FAM53A: variants seen among roughly 807,000 people sequenced by gnomAD.
FAM53A encodes the protein protein FAM53A.
Under a neutral mutation model 26.6 loss-of-function variants are expected in FAM53A, and 28 were observed. The observed-to-expected ratio is 1.05, with a 90% CI of 0.78 to 1.45. The LOEUF (loss-of-function observed/expected upper bound fraction) is 1.45. Ranked by LOEUF, FAM53A falls within the 40% of genes most tolerant of loss-of-function variation. The pLI, the probability that FAM53A is intolerant of heterozygous loss-of-function variation, is 0.00. For missense variants in FAM53A, 650 were observed against 575.8 expected (o/e 1.13, Z -1.32); for synonymous variants, 290 against 253.1 (o/e 1.15, Z -1.38).
At chr4:1,599,839 T>G in the FAM53A span, among the ~76,000 whole-genome samples, 1 of 152,158 alleles carries the variant, frequency 6.6e-6, no homozygotes. This position sits in a 1 kb window ranked among gnomAD's most constrained non-coding sequence, Gnocchi z 6.1. Context: ...GCGCTGAGTG[T>G]TGGCTCCCAG....
downstream of FAM53A, among the ~76,000 whole-genome samples, chr4:1,639,412 TGC>T (rs1157454297): frequency 1.3e-5 from 2 of 152,206 alleles, no homozygotes; most frequent in African/African-American, 4.8e-5. Flanking sequence ...CAAAGTCCAA[TGC>T]CAGGGCCCTC....
rs1445686561 is a variant in FAM53A, at chr4:1,657,465, G to A, written c.79C>T (p.Gln27Ter). Residue 27 changes from glutamine (Q) to a stop codon, truncating the protein, a stop_gained, in exon 3 of 5, where the codon CAG (glutamine) becomes TAG (stop). Coordinates refer to ENST00000308132, the MANE Select transcript of FAM53A (RefSeq NM_001174070.3). LOFTEE classifies it high-confidence loss of function. The part of the protein sequence containing the change: ...LTCKAEAGPL[Q>*]YSAETLNKSG... The stretch of plus-strand genomic sequence containing the variant: ...TTGTTCAGGGTTTCCGCAGAATACT[G>A]CAACTGACAGGAAAGAGAAGTTTCA... 1.2e-6 allele frequency: 2 copies of A among 1,613,680 alleles called. No homozygotes were observed. Among genetic ancestry groups the A allele is most frequent in the Admixed American group, 3.3e-5 (2 of 59,922 alleles).
chr4:1,644,863 TC>T (rs1712094365), intron 4 of FAM53A: 1 of 154,268 alleles, frequency 6.5e-6, no homozygotes, highest in African/African-American at 2.4e-5. Flanking sequence ...CAGGGAAGCC[TC>T]CTACGAGCTG....
chr4:1,577,561 G>A, the FAM53A span, among the ~76,000 whole-genome samples: 1 of 152,200 alleles, frequency 6.6e-6, no homozygotes, highest in African/African-American at 2.4e-5. Context: ...TAGGCCATCC[G>A]GCGTTTGTGT....
chr4:1,595,649 G>A, the FAM53A span, among the ~76,000 whole-genome samples: 1 of 152,222 alleles, frequency 6.6e-6, no homozygotes, highest in South Asian at 2.1e-4. Context: ...TGCAAAGCCT[G>A]GCAGGACACT....
chr4:1,631,286 C>G lies in FAM53A; in HGVS notation c.432-13175G>C, dbSNP rs562677941. ...ATAGCAGCGGTGGACAAGCCAGAGG[C>G]AGCCCCAGGCCTGCTGTGGGCAGCA... On this transcript the variant is annotated intron_variant, in intron 1 of 1. Transcript: ENST00000489029. Among the ~76,000 whole-genome samples the G allele has an allele frequency of 3.8e-3, 584 of 152,320 alleles. 6 individuals are homozygous for G. Among genetic ancestry groups the G allele is most frequent in the African/African-American group, 0.013 (558 of 41,578 alleles).
the FAM53A span, among the ~76,000 whole-genome samples, chr4:1,593,613 G>A: frequency 6.6e-6 from 1 of 152,186 alleles, no homozygotes; most frequent in African/African-American, 2.4e-5. Context: ...GTCTGGACCA[G>A]CCAGGCCGGA....
At chr4:1,627,068 G>A (rs1462624827) in intron 1 of FAM53A, among the ~76,000 whole-genome samples, 4 of 152,184 alleles carry the variant, frequency 2.6e-5, no homozygotes, top group African/African-American at 9.7e-5. Flanking sequence ...GCGTGGCCAT[G>A]TGGACGCAGG....
At position 1,684,299 on chromosome 4, in the gene FAM53A, C is replaced by A. The variant is rs970558399; in HGVS notation, c.-231G>T. 7.7e-4 allele frequency: 116 copies of A among 150,926 alleles called. No individual in the cohort carries two copies. The highest frequency in any genetic ancestry group is 2.6e-3 in the African/African-American group (107 of 41,288). 9.3% of individuals were successfully genotyped at this position (150,926 alleles called of 1,614,324 possible). On this transcript the variant is annotated 5_prime_UTR_variant, in exon 1 of 5. Coordinates refer to ENST00000308132, the MANE Select transcript of FAM53A (RefSeq NM_001174070.3). ...CCGCCCAGGCCCCGCTCGCTCAGGG[C>A]GACGCGCCTCAGCCGCGGCGGAACA...
At chr4:1,644,201 G>C in intron 4 of FAM53A, 1 of 1,535,976 alleles carries the variant, frequency 6.5e-7, no homozygotes, top group Non-Finnish European at 8.7e-7. Context: ...TCAGGGGCCA[G>C]GTTTCCTTCC....
rs866277617 is a variant in FAM53A, at chr4:1,655,126, G to A, written c.734C>T (p.Ser245Phe). Residue 245 changes from serine (S) to phenylalanine (F), a missense_variant, in exon 4 of 5, where the codon TCC (serine) becomes TTC (phenylalanine). By Grantham distance (155) the Ser-to-Phe change is radical. Transcript: ENST00000308132. ...PLPWASSSPT[S>F]TPALGGRRGL... is the part of the protein sequence containing the mutation. ...ACGGCGCCCGCCCAGCGCAGGCGTGGACGTGGGGCTGCTGCTGGCCCAGGG... is the reference window on the plus strand; with the variant it reads ...ACGGCGCCCGCCCAGCGCAGGCGTGAACGTGGGGCTGCTGCTGGCCCAGGG... The A allele has an allele frequency of 1.9e-6, 3 of 1,594,534 alleles. No homozygotes were observed. The highest frequency in any genetic ancestry group is 1.7e-5 in the Admixed American group (1 of 57,968).
chr4:1,576,362 C>T, the FAM53A span, among the ~76,000 whole-genome samples: 40 of 152,200 alleles, frequency 2.6e-4, no homozygotes, highest in Admixed American at 3.9e-4. Flanking sequence ...CAGAGAATCG[C>T]GGGCTAAATT....
chr4:1,641,358 C>G lies in FAM53A; in HGVS notation c.1132G>C (p.Gly378Arg). 1 of 1,610,698 alleles carries G rather than the reference C, an allele frequency of 6.2e-7. No individual in the cohort carries two copies. The highest frequency in any genetic ancestry group is 8.5e-7 in the Non-Finnish European group (1 of 1,179,124). The change falls in exon 5 of 5, where the codon GGG becomes CGG. Residue 378 changes from glycine (G) to arginine (R), a missense_variant. Physicochemically the swap from Gly to Arg is moderately radical, Grantham distance 125. Coordinates refer to ENST00000308132, the MANE Select transcript of FAM53A (RefSeq NM_001174070.3). ...SGDPRDGDSV[G>R]EEGVFPRARW... Reference sequence around the variant, plus strand: ...GCCCGGGGGAAGACGCCCTCCTCCCCGACACTGTCCCCATCACGGGGGTCC... The same window carrying G: ...GCCCGGGGGAAGACGCCCTCCTCCCGGACACTGTCCCCATCACGGGGGTCC...
chr4:1,669,374 C>T (rs1714471306), intron 1 of FAM53A, among the ~76,000 whole-genome samples: 1 of 152,250 alleles, frequency 6.6e-6, no homozygotes, highest in African/African-American at 2.4e-5. Flanking sequence ...CACAGGAAGC[C>T]TGCCAGGGTC....
At chr4:1,651,993 C>G (rs1446872450) in intron 4 of FAM53A, among the ~76,000 whole-genome samples, 6 of 148,406 alleles carry the variant, frequency 4.0e-5, no homozygotes, top group African/African-American at 1.5e-4. Context: ...ACGCACACCT[C>G]ACACACACAC....
At chr4:1,627,097 G>A (rs1389023200) in intron 1 of FAM53A, among the ~76,000 whole-genome samples, 2 of 152,164 alleles carry the variant, frequency 1.3e-5, no homozygotes, top group South Asian at 2.1e-4. Flanking sequence ...GTGGGGCTTC[G>A]CTCCGGTGCC....
At position 1,677,390 on chromosome 4, in the gene FAM53A, G is replaced by A. The variant is rs191896802; in HGVS notation, c.-165+6843C>T. On this transcript the variant is annotated intron_variant, in intron 1 of 4. Transcript: ENST00000308132. ...GCCGCTGTTCTAGGATCTATCCTCC[G>A]CTCCTCCAACCCTTCCAATGACGTG... 1.9e-4 allele frequency among the ~76,000 whole-genome samples: 29 copies of A among 152,236 alleles called. No homozygotes were observed. In the East Asian group the frequency reaches 4.6e-3, roughly 24 times the overall value.
At chr4:1,642,144 T>C (rs1223939129) in intron 4 of FAM53A, among the ~76,000 whole-genome samples, 1 of 152,162 alleles carries the variant, frequency 6.6e-6, no homozygotes, top group African/African-American at 2.4e-5. Context: ...ACCTCGTCGG[T>C]GTCCTCAGGG....
intron 1 of FAM53A, among the ~76,000 whole-genome samples, chr4:1,632,958 T>G (rs908961260): frequency 6.6e-6 from 1 of 152,222 alleles, no homozygotes; most frequent in Non-Finnish European, 1.5e-5. Context: ...TGCACAGACA[T>G]ACATGCATGT....
Sources: gnomAD v4.1 joint callset for allele counts (sites outside exome capture counted in the v4.1 genomes callset) on GRCh38, gnomAD v4.1.1 for gene constraint, Gnocchi (gnomAD v3.1) non-coding constraint, MANE v1.5 for transcripts, NCBI Gene and HGNC (gene_info 2026-07-23, HGNC 2026-07-21) for gene names.